Variants in ZNF592 observed in about 807,000 individuals in gnomAD.
ZNF592 encodes spinocerebellar ataxia, autosomal recessive 5.
ZNF592 carries 11 observed loss-of-function variants against 80.3 expected under a neutral mutation model. That is an observed-to-expected ratio of 0.14 (90% CI 0.09 to 0.23). ZNF592 has a LOEUF of 0.23. ZNF592 is among the 10% of genes least tolerant of loss of function. The pLI, the probability that ZNF592 is intolerant of heterozygous loss-of-function variation, is 1.00. For synonymous variants in ZNF592, 646 were observed against 640.3 expected (o/e 1.01, Z -0.13); for missense variants, 1,420 against 1,633.9 (o/e 0.87, Z 2.26).
At chr15:84,764,928 A>G in intron 2 of ZNF592, 113 bp downstream of exon 2, 3 of 394,598 alleles carry the variant, frequency 7.6e-6, no homozygotes, top group Non-Finnish European at 1.3e-5. Context: ...TTGATGATAA[A>G]ATACATATAA....
intron 5 of ZNF592, among the ~76,000 whole-genome samples, chr15:84,796,417 A>G (rs371130825): frequency 6.6e-6 from 1 of 151,302 alleles, no homozygotes; most frequent in African/African-American, 2.4e-5. Flanking sequence ...GAGGGCAGAC[A>G]GTATTGCAAC....
Position 84,783,017 on chromosome 15 carries a change from T to G in ZNF592, c.342T>G (p.Phe114Leu). 1 of 1,614,190 alleles carries G rather than the reference T, an allele frequency of 6.2e-7. No individual in the cohort carries two copies. Among genetic ancestry groups the G allele is most frequent in the Non-Finnish European group, 8.5e-7 (1 of 1,180,042 alleles). ...ACTGTGGGAAATTTGATTCTACTTT[T>G]ATGAATGGAGACAGTGCCAGGAGTT... ...PHNCGKFDST[F>L]MNGDSARSFP... The change falls in exon 4 of 11, where the codon TTT becomes TTG. Residue 114 changes from phenylalanine (F) to leucine (L), a missense_variant. Phe to Leu is a conservative substitution (Grantham distance 22, BLOSUM62 0). This residue lies in a region of ZNF592 where 373 missense variants were observed against 355.5 expected (regional missense o/e 1.05). Coordinates refer to ENST00000560079, the MANE Select transcript of ZNF592 (RefSeq NM_014630.3). This position sits in a 1 kb window ranked among gnomAD's most constrained non-coding sequence, Gnocchi z 5.0.
chr15:84,760,490 T>G (rs892375596), intron 1 of ZNF592, among the ~76,000 whole-genome samples: 2 of 152,196 alleles, frequency 1.3e-5, no homozygotes, highest in African/African-American at 2.4e-5. Context: ...TCCAGTGGAT[T>G]ATCAGCTCTA....
At chr15:84,781,910 A>G (rs116096659) in intron 3 of ZNF592, among the ~76,000 whole-genome samples, 12 of 152,336 alleles carry the variant, frequency 7.9e-5, no homozygotes, top group African/African-American at 2.9e-4. Flanking sequence ...TTATTATCCT[A>G]TTCTTTGTAT....
chr15:84,783,316 G>A lies in ZNF592; in HGVS notation c.641G>A (p.Ser214Asn), dbSNP rs1321464285. The A allele has an allele frequency of 1.2e-6, 2 of 1,614,246 alleles. No homozygotes were observed. Among genetic ancestry groups the A allele is most frequent in the Admixed American group, 3.3e-5 (2 of 60,030 alleles). ...AAGCCAGAACCCCTGCCCTTGGGGA[G>A]CCAGCAGGAACACGAGCAAAGTGGG... Reference protein sequence around the residue: ...EPKPEPLPLGSQQEHEQSGQN... With the variant: ...EPKPEPLPLGNQQEHEQSGQN... Residue 214 changes from serine to asparagine, a missense_variant, in exon 4 of 11, where the codon AGC becomes AAC. Transcript: ENST00000560079. The surrounding 1 kb of genome is among the most constrained non-coding windows in gnomAD (Gnocchi z 5.0).
chr15:84,787,617 C>G (rs1199737344), intron 4 of ZNF592, among the ~76,000 whole-genome samples: 2 of 152,132 alleles, frequency 1.3e-5, no homozygotes, highest in African/African-American at 4.8e-5. Flanking sequence ...CTGCAGTGAC[C>G]CAGGGAGTTC....
chr15:84,791,030 A>G (rs1962732304), intron 5 of ZNF592, 147 bp downstream of exon 5: 1 of 875,732 alleles, frequency 1.1e-6, no homozygotes, highest in South Asian at 1.4e-5. Context: ...GTGGACAGAC[A>G]TTTTTTATTT....
chr15:84,790,947 A>G lies in ZNF592; in HGVS notation c.2399+64A>G, dbSNP rs77180505. 1,896 of 1,603,456 alleles carry G rather than the reference A, an allele frequency of 1.2e-3. 18 individuals carry two copies. The African/African-American group carries it at 0.022, about 19-fold the overall frequency. ...TGGCTGGTCCTTTTCCTAAGCCAGAACTCATTTCAGATAGTTTTGGTCTTA... is the reference window on the plus strand; with the variant it reads ...TGGCTGGTCCTTTTCCTAAGCCAGAGCTCATTTCAGATAGTTTTGGTCTTA... On this transcript the variant is annotated intron_variant, in intron 5 of 10. Transcript: ENST00000560079.
Position 84,799,849 on chromosome 15 carries a change from A to G in ZNF592, c.3145A>G (p.Thr1049Ala). The part of the protein sequence containing the change: ...VKKFYTCGYC[T>A]EDSPSFPRPS... ...TCCGCTGTGCTTCTGCAGGTACTGC[A>G]CAGAGGACAGCCCCAGCTTTCCTCG... is the stretch of plus-strand genomic sequence containing the variant. Residue 1049 changes from threonine to alanine, a missense_variant, in exon 10 of 11, where the codon ACA becomes GCA. Physicochemically the swap from Thr to Ala is moderately conservative, Grantham distance 58 (BLOSUM62 0). This residue lies in a region of ZNF592 where 331 missense variants were observed against 347.0 expected (regional missense o/e 0.95). Transcript: ENST00000560079. This position sits in a 1 kb window ranked among gnomAD's most constrained non-coding sequence, Gnocchi z 4.2. 1 of 1,614,120 alleles carries G rather than the reference A, an allele frequency of 6.2e-7. No individual in the cohort carries two copies. Among genetic ancestry groups the G allele is most frequent in the Non-Finnish European group, 8.5e-7 (1 of 1,180,024 alleles).
chr15:84,763,474 G>A (rs1275208950), intron 1 of ZNF592, among the ~76,000 whole-genome samples: 1 of 152,098 alleles, frequency 6.6e-6, no homozygotes, highest in East Asian at 1.9e-4. Flanking sequence ...ATTTACTATT[G>A]GACAGCAGAC....
Position 84,802,025 on chromosome 15 carries a change from C to T in ZNF592, c.3436C>T (p.His1146Tyr). 6.2e-7 allele frequency: 1 copy of T among 1,613,990 alleles called. No homozygotes were observed. Among genetic ancestry groups the T allele is most frequent in the East Asian group, 2.2e-5 (1 of 44,884 alleles). ...CGAGTTTCAGAGCCACATACCTCAG[C>T]ACCAGGTGGACAGCTCCACAGCCCA... is the stretch of plus-strand genomic sequence containing the variant. Reference protein sequence around the residue: ...GLEFQSHIPQHQVDSSTAQCL... With the variant: ...GLEFQSHIPQYQVDSSTAQCL... Residue 1146 changes from histidine (H) to tyrosine (Y), a missense_variant, in exon 11 of 11, where the codon CAC (histidine) becomes TAC (tyrosine). By Grantham distance (83) the His-to-Tyr change is moderately conservative. Coordinates refer to ENST00000560079, the MANE Select transcript of ZNF592 (RefSeq NM_014630.3).
chr15:84,774,641 A>C (rs1328548836), intron 2 of ZNF592, among the ~76,000 whole-genome samples: 1 of 151,560 alleles, frequency 6.6e-6, no homozygotes, highest in East Asian at 1.9e-4. Flanking sequence ...ACATACATTC[A>C]CCCAAGTTTT....
At chr15:84,761,239 T>G (rs981019327) in intron 1 of ZNF592, among the ~76,000 whole-genome samples, 1 of 151,964 alleles carries the variant, frequency 6.6e-6, no homozygotes. Flanking sequence ...GTGCTGAGAT[T>G]ACAGGCATGA....
intron 1 of ZNF592, among the ~76,000 whole-genome samples, chr15:84,759,957 C>A (rs888076283): frequency 2.6e-5 from 1 of 38,392 alleles, no homozygotes; most frequent in Non-Finnish European, 5.2e-5. Context: ...GGGAGATTCC[C>A]CCCCCCCCCA....
chr15:84,787,878 C>G (rs1159628315), intron 4 of ZNF592, among the ~76,000 whole-genome samples: 1 of 152,174 alleles, frequency 6.6e-6, no homozygotes, highest in Non-Finnish European at 1.5e-5. Context: ...TGGAACAGTA[C>G]CTCTTCCCAC....
Position 84,784,373 on chromosome 15 carries a change from C to A in ZNF592, c.1698C>A (p.Pro566=). ...TCCTTCACAGCTCCAACCCCGTGCC[C>A]CTCTATGCGCCAAATCTCAGCCCGC... is the stretch of plus-strand genomic sequence containing the variant. The part of the protein sequence containing the change: ...NKVLHSSNPV[P]LYAPNLSPPA... Residue 566 remains proline (P), a synonymous_variant, in exon 4 of 11, where the codon CCC becomes CCA. Transcript: ENST00000560079. The surrounding 1 kb of genome is among the most constrained non-coding windows in gnomAD (Gnocchi z 5.8). The A allele has an allele frequency of 1.2e-6, 2 of 1,614,186 alleles. No homozygotes were observed. Among genetic ancestry groups the A allele is most frequent in the Non-Finnish European group, 1.7e-6 (2 of 1,180,042 alleles).
rs762185232 is a variant in ZNF592, at chr15:84,784,430, T to C, written c.1755T>C (p.Ser585=). 2.5e-6 allele frequency: 4 copies of C among 1,613,992 alleles called. No individual in the cohort carries two copies. In the Admixed American group the frequency reaches 6.7e-5, roughly 27 times the overall value. ...PADSRIHVPA[S]GYCCLECGDA... ...ACAGCAGGATCCACGTGCCGGCCAG[T>C]GGGTACTGCTGCCTGGAGTGTGGAG... Residue 585 remains serine, a synonymous_variant, in exon 4 of 11, where the codon AGT becomes AGC. Transcript: ENST00000560079. This position sits in a 1 kb window ranked among gnomAD's most constrained non-coding sequence, Gnocchi z 5.8.
chr15:84,761,676 C>G (rs190992905), intron 1 of ZNF592, among the ~76,000 whole-genome samples: 1 of 152,184 alleles, frequency 6.6e-6, no homozygotes, highest in Non-Finnish European at 1.5e-5. Flanking sequence ...CTTCACCTCA[C>G]GGGCTGTAAT....
At chr15:84,748,736 A>C (rs1247826729) in intron 1 of ZNF592, 72 bp downstream of exon 1, 1 of 147,116 alleles carries the variant, frequency 6.8e-6, no homozygotes, top group South Asian at 1.9e-4. Context: ...GCCCGGGAGG[A>C]TCGCAGCCGG....
Sources: allele counts gnomAD v4.1 joint callset (sites outside exome capture counted in the v4.1 genomes callset), GRCh38; gene constraint gnomAD v4.1.1; regional missense constraint gnomAD v4.1.1; non-coding constraint Gnocchi (gnomAD v3.1); transcripts MANE v1.5; gene names NCBI Gene and HGNC (gene_info 2026-07-23, HGNC 2026-07-21).